Variants in TTC39A observed in about 807,000 individuals in gnomAD.
The protein encoded by TTC39A is tetratricopeptide repeat domain 39A, also known as tetratricopeptide repeat protein 39A.
TTC39A carries 46 observed loss-of-function variants against 82.3 expected under a neutral mutation model. The observed-to-expected ratio is 0.56, with a 90% CI of 0.44 to 0.71. The LOEUF (loss-of-function observed/expected upper bound fraction) is 0.71, where lower values mean the gene tolerates loss of function less well. Ranked by LOEUF, TTC39A falls within the 30% of genes least tolerant of loss-of-function variation. The pLI, the probability that TTC39A is intolerant of heterozygous loss-of-function variation, is 0.00. For synonymous variants in TTC39A, 254 were observed against 275.2 expected, an observed-to-expected ratio of 0.92 and a Z score of 0.76; for missense variants, 543 against 712.9, an observed-to-expected ratio of 0.76 and a Z score of 2.71.
In TTC39A at chr1:51,288,744, T is replaced by C. The variant is rs1439272316; in HGVS notation, c.1610+95A>G. On this transcript the variant is annotated intron_variant, in intron 17 of 17. Coordinates refer to ENST00000680483, the MANE Select transcript of TTC39A (RefSeq NM_001297663.2). The surrounding 1 kb of genome is among the most constrained non-coding windows in gnomAD (Gnocchi z 4.8). Reference sequence around the variant, plus strand: ...CTGCCAGACTGGCCTTGCTAGCAACTCCACTCACTGCTCTCTGGGCAACTC... The same window carrying C: ...CTGCCAGACTGGCCTTGCTAGCAACCCCACTCACTGCTCTCTGGGCAACTC... 4 of 1,185,940 alleles carry C rather than the reference T, an allele frequency of 3.4e-6. No individual in the cohort carries two copies. The highest frequency in any genetic ancestry group is 2.6e-5 in the East Asian group (1 of 39,110). 73.5% of individuals were successfully genotyped at this position (1,185,940 alleles called of 1,614,324 possible). A position where few individuals can be genotyped will look rare whatever the true frequency, so the allele number is the denominator to read the frequency against.
rs17106491 is a variant in TTC39A at position 51,288,580 on chromosome 1, A to G, written c.1610+259T>C. On this transcript the variant is annotated intron_variant, in intron 17 of 17. Coordinates refer to ENST00000680483, the MANE Select transcript of TTC39A (RefSeq NM_001297663.2). The surrounding 1 kb of genome is among the most constrained non-coding windows in gnomAD (Gnocchi z 4.8). ...AGGAGGCATGGGTCCTCACACAGCC[A>G]TGCAGTTGGCTTCTGATGTGACCTT... is the stretch of plus-strand genomic sequence containing the variant. 0.016 allele frequency among the ~76,000 whole-genome samples: 2,484 copies of G among 152,274 alleles called. 68 individuals are homozygous for G. The highest frequency in any genetic ancestry group is 0.058 in the African/African-American group (2,405 of 41,544).
chr1:51,320,364 G>A lies in TTC39A; in HGVS notation c.146+1357C>T, dbSNP rs558526876. ...AGCATTAATCACAAAGGTATAGTAA[G>A]GTAAATACTGATTCTTTCTTTCTTT... is the stretch of plus-strand genomic sequence containing the variant. On this transcript the variant is annotated intron_variant, in intron 2 of 17. Transcript: ENST00000680483. Among the ~76,000 whole-genome samples the A allele has an allele frequency of 4.6e-5, 7 of 151,382 alleles. No homozygotes were observed. The South Asian group carries it at 1.5e-3, about 32-fold the overall frequency.
chr1:51,296,671 G>A (rs1056420988), intron 12 of TTC39A: 1 of 199,842 alleles, frequency 5.0e-6, no homozygotes, highest in African/African-American at 2.3e-5. Flanking sequence ...CAGGGCCTGG[G>A]TCGGGTCAGC....
intron 16 of TTC39A, among the ~76,000 whole-genome samples, chr1:51,289,314 C>T (rs969655772): frequency 6.6e-6 from 1 of 152,244 alleles, no homozygotes; most frequent in Non-Finnish European, 1.5e-5. Flanking sequence ...GGTACCCTTT[C>T]TGGCTGTCTT....
chr1:51,328,022 C>T (rs1040920503), intron 1 of TTC39A, among the ~76,000 whole-genome samples: 3 of 152,044 alleles, frequency 2.0e-5, no homozygotes, highest in Non-Finnish European at 2.9e-5. Context: ...GATCAAGTAG[C>T]ACTGACTTTA....
At chr1:51,299,756 AG>A (rs1436368737) in intron 12 of TTC39A, 1 of 152,312 alleles carries the variant, frequency 6.6e-6, no homozygotes, top group East Asian at 1.9e-4. Context: ...CCATATGGTT[AG>A]CCCCAGCCAC....
chr1:51,320,416 C>CTTTTTCTT (rs1044148007), intron 2 of TTC39A, among the ~76,000 whole-genome samples: 19 of 79,452 alleles, frequency 2.4e-4, no homozygotes, highest in African/African-American at 9.5e-4. Flanking sequence ...TTTTCTTTTT[C>CTTTTTCTT]TTTTTTTTTT....
chr1:51,308,067 T>C (rs1644938993), intron 6 of TTC39A, among the ~76,000 whole-genome samples: 1 of 152,196 alleles, frequency 6.6e-6, no homozygotes, highest in African/African-American at 2.4e-5. Context: ...GTGGTGCATG[T>C]GGACTACTGA....
chr1:51,328,010 T>C (rs1282655708), intron 1 of TTC39A, among the ~76,000 whole-genome samples: 4 of 152,182 alleles, frequency 2.6e-5, no homozygotes, highest in South Asian at 2.1e-4. Flanking sequence ...CCATCATTTC[T>C]TGATCAAGTA....
At chr1:51,308,909 A>G (rs1031163060) in intron 6 of TTC39A, among the ~76,000 whole-genome samples, 1 of 152,184 alleles carries the variant, frequency 6.6e-6, no homozygotes, top group African/African-American at 2.4e-5. Flanking sequence ...CTGGGCCTTA[A>G]CAGATGTGTA....
chr1:51,287,380 T>A lies in TTC39A; in HGVS notation c.*777A>T, dbSNP rs1457449114. The A allele has an allele frequency of 6.6e-6, 1 of 152,208 alleles. No individual in the cohort carries two copies. Among genetic ancestry groups the A allele is most frequent in the Non-Finnish European group, 1.5e-5 (1 of 68,032 alleles). The allele number at this position is 152,208 out of a possible 1,614,324, so 9.4% of individuals were successfully genotyped here. On this transcript the variant is annotated 3_prime_UTR_variant, in exon 18 of 18. Transcript: ENST00000680483. ...GTTTCAGTTTGGCATACAGCAAAGA[T>A]ACAGACTGGATTCTGAGAACCTCCT...
chr1:51,336,220 G>A (rs1645972703), upstream of TTC39A, among the ~76,000 whole-genome samples: 1 of 152,184 alleles, frequency 6.6e-6, no homozygotes, highest in African/African-American at 2.4e-5. Flanking sequence ...GGCCTTTGGA[G>A]GGCTGTGACA....
At chr1:51,342,018 C>T (rs1570033801) in intron 1 of TTC39A, among the ~76,000 whole-genome samples, 1 of 152,192 alleles carries the variant, frequency 6.6e-6, no homozygotes, top group Admixed American at 6.5e-5. Flanking sequence ...GAGGCCCCTC[C>T]CTCCCACAGC....
intron 1 of TTC39A, among the ~76,000 whole-genome samples, chr1:51,327,404 TC>T (rs1645752237): frequency 6.6e-6 from 1 of 151,994 alleles, no homozygotes; most frequent in Non-Finnish European, 1.5e-5. Context: ...TTCCAAAGAG[TC>T]CCCCTTAGCT....
Position 51,343,854 on chromosome 1 carries a change from A to C in TTC39A, c.53+1137T>G, listed in dbSNP as rs138699474. Among the ~76,000 whole-genome samples, 960 of 152,296 alleles carry C rather than the reference A, an allele frequency of 6.3e-3. 2 individuals are homozygous for C. The highest frequency in any genetic ancestry group is 0.01 in the Non-Finnish European group (702 of 68,026). Reference sequence around the variant, plus strand: ...AGGCTGCTCTCAAACTCCTGGGCTCAAGCGATCCTCCCGCTGGGATTACAG... The same window carrying C: ...AGGCTGCTCTCAAACTCCTGGGCTCCAGCGATCCTCCCGCTGGGATTACAG... On this transcript the variant is annotated intron_variant, in intron 1 of 5. Transcript: ENST00000401051.
At chr1:51,341,357 G>A (rs1646034470) in intron 1 of TTC39A, among the ~76,000 whole-genome samples, 2 of 152,156 alleles carry the variant, frequency 1.3e-5, no homozygotes, top group Non-Finnish European at 2.9e-5. Context: ...GCTGGCCACA[G>A]ACAGAAACTG....
At chr1:51,302,479 G>C in intron 10 of TTC39A, 27 bp downstream of exon 10, 1 of 1,607,834 alleles carries the variant, frequency 6.2e-7, no homozygotes, top group Non-Finnish European at 8.5e-7. Context: ...TGTGGGCTGG[G>C]GGTACCGGGC....
chr1:51,303,005 C>A, intron 9 of TTC39A, 79 bp downstream of exon 9: 2 of 1,280,362 alleles, frequency 1.6e-6, no homozygotes, highest in Non-Finnish European at 2.2e-6. Context: ...AGGGCATGAA[C>A]AGGGTCTGTA....
At position 51,294,834 on chromosome 1, in the gene TTC39A, G is replaced by A. The variant is rs148418654; in HGVS notation, c.1146-323C>T. ...GCCTCCACTCCCAGGCTCCATTTCT[G>A]GGGAGGATCCAAGAGAAGTTTAACC... On this transcript the variant is annotated intron_variant, in intron 13 of 17. Coordinates refer to ENST00000680483, the MANE Select transcript of TTC39A (RefSeq NM_001297663.2). The surrounding 1 kb of genome is among the most constrained non-coding windows in gnomAD (Gnocchi z 4.3). 7.2e-3 allele frequency among the ~76,000 whole-genome samples: 1,096 copies of A among 152,304 alleles called. 13 individuals carry two copies. The highest frequency in any genetic ancestry group is 0.024 in the African/African-American group (978 of 41,554).
Sources: gnomAD v4.1 joint callset for allele counts (sites outside exome capture counted in the v4.1 genomes callset) on GRCh38, gnomAD v4.1.1 for gene constraint, Gnocchi (gnomAD v3.1) non-coding constraint, MANE v1.5 for transcripts, NCBI Gene and HGNC (gene_info 2026-07-23, HGNC 2026-07-21) for gene names.